ITGAX: variants seen among roughly 807,000 people sequenced by gnomAD.
ITGAX encodes the protein integrin alpha-X.
In ITGAX, 99 loss-of-function variants were observed where a neutral mutation model predicts 140.2. The observed-to-expected ratio is 0.71, with a 90% confidence interval of 0.60 to 0.83. ITGAX has a LOEUF of 0.83. Ranked by LOEUF, ITGAX falls within the 40% of genes least tolerant of loss-of-function variation. The pLI is 0.00. For synonymous variants in ITGAX, 631 were observed against 600.4 expected, an observed-to-expected ratio of 1.05 and a Z score of -0.75; for missense variants, 1,444 against 1,482.0, an observed-to-expected ratio of 0.97 and a Z score of 0.42.
At position 31,381,795 on chromosome 16, in the gene ITGAX, C is replaced by T. The variant is rs1448938371; in HGVS notation, c.3388-8C>T. The T allele has an allele frequency of 1.1e-6, 1 of 871,740 alleles. No homozygotes were observed. The highest frequency in any genetic ancestry group is 1.6e-5 in the African/African-American group (1 of 61,224). The allele number at this position is 871,740 out of a possible 1,614,324, so 54.0% of individuals were successfully genotyped here. On this transcript the variant is annotated splice_polypyrimidine_tract_variant and splice_region_variant and intron_variant, in intron 29 of 29. Transcript: ENST00000268296. ...CTTCCTGAGTTTCTTCTTCGTCCTC[C>T]CCCCTAGGTTGGCTTCTTCAAGCGT... is the stretch of plus-strand genomic sequence containing the variant.
At chr16:31,363,121 G>A (rs746318884) in intron 13 of ITGAX, 44 bp from the exon 14 acceptor site, 2 of 1,606,514 alleles carry the variant, frequency 1.2e-6, no homozygotes, top group East Asian at 2.2e-5. Flanking sequence ...GGTGTGGGTG[G>A]AGGGGTTGCC....
chr16:31,371,508 T>G lies in ITGAX; in HGVS notation c.2005+11T>G. 6.2e-7 allele frequency: 1 copy of G among 1,613,180 alleles called. No homozygotes were observed. Among genetic ancestry groups the G allele is most frequent in the Non-Finnish European group, 8.5e-7 (1 of 1,179,338 alleles). On this transcript the variant is annotated intron_variant, in intron 16 of 29. Coordinates refer to ENST00000268296, the MANE Select transcript of ITGAX (RefSeq NM_000887.5). ...ACCTGCTTGGGAGCCGTGAGTCCCC[T>G]CCCCTCCAACCCAGGACACCCTGAC...
chr16:31,377,341 A>C, intron 23 of ITGAX, 76 bp downstream of exon 23: 8 of 1,169,648 alleles, frequency 6.8e-6, no homozygotes, highest in African/African-American at 1.6e-5. Flanking sequence ...AAGGCCTTGA[A>C]ACGCTGCCAC....
intron 28 of ITGAX, 112 bp from the exon 29 acceptor site, chr16:31,380,785 C>G (rs972019203): frequency 9.4e-6 from 12 of 1,272,374 alleles, no homozygotes; most frequent in Non-Finnish European, 1.4e-5. Flanking sequence ...TGTCTCACCT[C>G]TTGGAGCAGG....
In ITGAX at chr16:31,362,967, C is replaced by T. The variant is rs199668358; in HGVS notation, c.1392C>T (p.Ser464=). Residue 464 remains serine, a synonymous_variant, in exon 13 of 30, where the codon TCC becomes TCT. Transcript: ENST00000268296. ...CCTACTTCGGGGCCTCCCTCTGCTC[C>T]GTGGACGTAGACAGCGACGGCAGCA... ...IGSYFGASLC[S]VDVDSDGSTD... 353 of 1,611,886 alleles carry T rather than the reference C, an allele frequency of 2.2e-4. No homozygotes were observed. The East Asian group carries it at 6.4e-3, about 29-fold the overall frequency.
chr16:31,382,331 C>T lies in ITGAX; in HGVS notation c.*424C>T, dbSNP rs368736651. 290 of 1,254,848 alleles carry T rather than the reference C, an allele frequency of 2.3e-4. 1 individual carries two copies. The East Asian group carries it at 6.1e-3, about 26-fold the overall frequency. The allele number at this position is 1,254,848 out of a possible 1,614,324, so 77.7% of individuals were successfully genotyped here. ...CGTGATCTCGGCTCACTGCAACCTC[C>T]GCCTCCCGGGTTCAAGTAATTCTGC... On this transcript the variant is annotated 3_prime_UTR_variant, in exon 30 of 30. Transcript: ENST00000268296.
chr16:31,358,936 G>A (rs2080791387), intron 5 of ITGAX, among the ~76,000 whole-genome samples: 1 of 150,710 alleles, frequency 6.6e-6, no homozygotes, highest in Admixed American at 6.6e-5. Flanking sequence ...TCCCACCTCA[G>A]CCTCCAGAGT....
chr16:31,379,270 T>C (rs780038400), intron 23 of ITGAX, among the ~76,000 whole-genome samples: 11 of 151,754 alleles, frequency 7.2e-5, no homozygotes, highest in Admixed American at 2.0e-4. Context: ...GTGCACACCA[T>C]CATGCCTGGC....
Position 31,382,244 on chromosome 16 carries a change from C to CTTTTTTTTTT in ITGAX, c.*341_*342insTTTTTTTTTT. ...CTTTCCTTTCTTTTTTTTTTTTTTT[C>CTTTTTTTTTT]TTTTCTTTTTTTTTTTTTTGAGACG... On this transcript the variant is annotated 3_prime_UTR_variant, in exon 30 of 30. Transcript: ENST00000268296. 1 of 817,828 alleles carries CTTTTTTTTTT rather than the reference C, an allele frequency of 1.2e-6. No individual in the cohort carries two copies. The highest frequency in any genetic ancestry group is 6.8e-5 in the Admixed American group (1 of 14,758). 50.7% of individuals were successfully genotyped at this position (817,828 alleles called of 1,614,324 possible). A position where few individuals can be genotyped will look rare whatever the true frequency, so the allele number is the denominator to read the frequency against.
Position 31,357,118 on chromosome 16 carries a change from C to T in ITGAX, c.318+17C>T. 1 of 1,603,388 alleles carries T rather than the reference C, an allele frequency of 6.2e-7. No individual in the cohort carries two copies. The highest frequency in any genetic ancestry group is 8.5e-7 in the Non-Finnish European group (1 of 1,177,492). On this transcript the variant is annotated intron_variant, in intron 4 of 29. Coordinates refer to ENST00000268296, the MANE Select transcript of ITGAX (RefSeq NM_000887.5). ...CAGCTGCTGGTGAGTGGCCCTGGGT[C>T]ACAGGAGGCTTCTGAGGGAGGGAGG...
In ITGAX at chr16:31,382,141, G is replaced by A; in HGVS notation, c.*234G>A. 7.1e-7 allele frequency: 1 copy of A among 1,405,494 alleles called. No homozygotes were observed. The allele number at this position is 1,405,494 out of a possible 1,614,324, so 87.1% of individuals were successfully genotyped here. On this transcript the variant is annotated 3_prime_UTR_variant, in exon 30 of 30. Transcript: ENST00000268296. ...CTGTGTTCCCCAAAGGACTTGACTTGCAATTTCTACCTAGAAATACATGGA... is the reference window on the plus strand; with the variant it reads ...CTGTGTTCCCCAAAGGACTTGACTTACAATTTCTACCTAGAAATACATGGA...
In ITGAX at chr16:31,373,315, G is replaced by A. The variant is rs1567305493; in HGVS notation, c.2433G>A (p.Gly811=). ...CAGAAGTGATGGTGTGGAATGACGG[G>A]GAAGACTCCTACGGAACCACCATCA... is the stretch of plus-strand genomic sequence containing the variant. The part of the protein sequence containing the change: ...LNAEVMVWND[G]EDSYGTTITF... The change falls in exon 20 of 30, where the codon GGG becomes GGA. Residue 811 remains glycine, a synonymous_variant. Coordinates refer to ENST00000268296, the MANE Select transcript of ITGAX (RefSeq NM_000887.5). 2 of 1,613,886 alleles carry A rather than the reference G, an allele frequency of 1.2e-6. No individual in the cohort carries two copies. Among genetic ancestry groups the A allele is most frequent in the Non-Finnish European group, 8.5e-7 (1 of 1,179,992 alleles).
intron 5 of ITGAX, 121 bp downstream of exon 5, chr16:31,357,485 A>C (rs1256566788): frequency 3.0e-6 from 2 of 670,684 alleles, no homozygotes; most frequent in African/African-American, 3.6e-5. Flanking sequence ...AAGAGTTACC[A>C]CGTGTTGCAG....
At chr16:31,369,282 G>A (rs1274136513) in intron 14 of ITGAX, among the ~76,000 whole-genome samples, 1 of 133,148 alleles carries the variant, frequency 7.5e-6, no homozygotes, top group South Asian at 2.4e-4. Context: ...GGCCGGGCGG[G>A]GGGCTGACCC....
At chr16:31,364,313 A>AC (rs2080868979) in intron 14 of ITGAX, among the ~76,000 whole-genome samples, 1 of 151,396 alleles carries the variant, frequency 6.6e-6, no homozygotes. Flanking sequence ...CTGTAGTCCC[A>AC]ATTACTCGGG....
chr16:31,359,731 C>A lies in ITGAX; in HGVS notation c.462C>A (p.Phe154Leu). 6.2e-7 allele frequency: 1 copy of A among 1,614,142 alleles called. No individual in the cohort carries two copies. Among genetic ancestry groups the A allele is most frequent in the Non-Finnish European group, 8.5e-7 (1 of 1,180,028 alleles). ...ECPRQEQDIV[F>L]LIDGSGSISS... ...CAAGACAGGAGCAGGACATTGTGTT[C>A]CTGATCGATGGCTCAGGCAGCATCT... The change falls in exon 6 of 30, where the codon TTC (phenylalanine) becomes TTA (leucine). Residue 154 changes from phenylalanine to leucine, a missense_variant. Transcript: ENST00000268296.
At chr16:31,363,641 C>T (rs570401121) in intron 14 of ITGAX, among the ~76,000 whole-genome samples, 97 of 152,342 alleles carry the variant, frequency 6.4e-4, no homozygotes, top group African/African-American at 2.2e-3. Context: ...GACAGGCTTT[C>T]GCCATGTTGG....
At chr16:31,372,165 T>TGGG (rs59381287) in intron 17 of ITGAX, among the ~76,000 whole-genome samples, 47 of 120,320 alleles carry the variant, frequency 3.9e-4, no homozygotes, top group Admixed American at 7.7e-4. Flanking sequence ...TCGGGAGGTC[T>TGGG]GGGGGGGGGG....
At chr16:31,356,270 A>G (rs2080758963) in intron 2 of ITGAX, 1 of 448,308 alleles carries the variant, frequency 2.2e-6, no homozygotes, top group Non-Finnish European at 4.0e-6. Context: ...ACAAACACTT[A>G]TTTGTTTTTT....
Sources: gnomAD v4.1 joint callset for allele counts (sites outside exome capture counted in the v4.1 genomes callset) on GRCh38, gnomAD v4.1.1 for gene constraint, MANE v1.5 for transcripts, NCBI Gene and HGNC (gene_info 2026-07-23, HGNC 2026-07-21) for gene names.